Variants in COX7B2 observed in about 807,000 individuals in gnomAD.
COX7B2 encodes the protein cytochrome c oxidase subunit 7B2.
For synonymous variants in COX7B2, 37 were observed against 32.1 expected (o/e 1.15, Z -0.51); for missense variants, 109 against 95.9 (o/e 1.14, Z -0.57).
chr4:46,853,200 T>C (rs771289838), intron 1 of COX7B2, among the ~76,000 whole-genome samples: 1 of 152,174 alleles, frequency 6.6e-6, no homozygotes, highest in South Asian at 2.1e-4. Context: ...AGTGATTTTA[T>C]GGACCATCAC....
At chr4:46,892,378 TTTAC>T (rs2109873840) in intron 1 of COX7B2, among the ~76,000 whole-genome samples, 1 of 152,310 alleles carries the variant, frequency 6.6e-6, no homozygotes, top group South Asian at 2.1e-4. Context: ...GTCATGTATC[TTTAC>T]TTCTATTATC....
chr4:46,880,310 C>T (rs1718625727), intron 1 of COX7B2, among the ~76,000 whole-genome samples: 2 of 151,848 alleles, frequency 1.3e-5, no homozygotes, highest in Admixed American at 6.6e-5. Flanking sequence ...AGGAAGAGTC[C>T]CTCCTTCTCA....
At chr4:46,793,156 A>T (rs1366817029) in intron 2 of COX7B2, among the ~76,000 whole-genome samples, 2 of 152,192 alleles carry the variant, frequency 1.3e-5, no homozygotes, top group Non-Finnish European at 2.9e-5. Context: ...GGGGCTTATC[A>T]GAAGTTTGGA....
At chr4:46,835,528 C>G (rs909739287) in intron 2 of COX7B2, among the ~76,000 whole-genome samples, 9 of 151,988 alleles carry the variant, frequency 5.9e-5, no homozygotes, top group Non-Finnish European at 1.3e-4. Context: ...GGACAGTAAG[C>G]AGGCCTAGTC....
chr4:46,822,522 A>G (rs1032838459), intron 2 of COX7B2, among the ~76,000 whole-genome samples: 5 of 152,218 alleles, frequency 3.3e-5, no homozygotes, highest in African/African-American at 1.2e-4. Context: ...ACAGGAAGGA[A>G]TACAACACCA....
intron 2 of COX7B2, among the ~76,000 whole-genome samples, chr4:46,749,797 G>A (rs1029514824): frequency 7.9e-5 from 12 of 152,114 alleles, no homozygotes; most frequent in Non-Finnish European, 1.5e-4. Flanking sequence ...TGCTTTCATA[G>A]GGACAAAGTA....
At chr4:46,747,598 G>A (rs541580380) in intron 2 of COX7B2, among the ~76,000 whole-genome samples, 1 of 152,216 alleles carries the variant, frequency 6.6e-6, no homozygotes, top group South Asian at 2.1e-4. Flanking sequence ...CACTGTGGCT[G>A]GCCTTAGCTC....
intron 2 of COX7B2, among the ~76,000 whole-genome samples, chr4:46,779,763 A>G (rs1249724324): frequency 2.0e-5 from 3 of 151,824 alleles, no homozygotes; most frequent in African/African-American, 4.9e-5. Flanking sequence ...AAATAAAAAA[A>G]TTAAAAAAAA....
intron 2 of COX7B2, among the ~76,000 whole-genome samples, chr4:46,840,515 TACATGAAGTCA>T (rs1261288965): frequency 1.3e-5 from 2 of 151,932 alleles, no homozygotes; most frequent in African/African-American, 4.8e-5. Context: ...AGAAAGAGCA[TACATGAAGTCA>T]ACTAACAGCT....
intron 1 of COX7B2, among the ~76,000 whole-genome samples, chr4:46,852,240 A>C (rs1271525417): frequency 6.6e-6 from 1 of 152,100 alleles, no homozygotes; most frequent in East Asian, 1.9e-4. Flanking sequence ...AAAATCCAGT[A>C]CTATTATTAT....
At chr4:46,780,354 A>G (rs912681282) in intron 2 of COX7B2, among the ~76,000 whole-genome samples, 4 of 152,188 alleles carry the variant, frequency 2.6e-5, no homozygotes, top group African/African-American at 9.6e-5. Flanking sequence ...CGTCTCTACT[A>G]AAAATACAAA....
chr4:46,865,028 G>T (rs1056295071), intron 1 of COX7B2, among the ~76,000 whole-genome samples: 6 of 152,030 alleles, frequency 3.9e-5, no homozygotes, highest in Non-Finnish European at 5.9e-5. Flanking sequence ...AAATAGCAGT[G>T]AATTCTGAGA....
At chr4:46,876,380 C>A (rs771393651) in intron 1 of COX7B2, among the ~76,000 whole-genome samples, 8 of 149,110 alleles carry the variant, frequency 5.4e-5, no homozygotes, top group Non-Finnish European at 1.0e-4. Context: ...TTTTCAGTTT[C>A]AAACACAGAG....
chr4:46,780,833 C>G (rs987586577), intron 2 of COX7B2, among the ~76,000 whole-genome samples: 1 of 152,174 alleles, frequency 6.6e-6, no homozygotes, highest in Non-Finnish European at 1.5e-5. Context: ...TTGCTCCATA[C>G]TCATCATCTC....
intron 2 of COX7B2, among the ~76,000 whole-genome samples, chr4:46,788,592 CACT>C (rs1349604830): frequency 6.6e-6 from 1 of 152,122 alleles, no homozygotes; most frequent in African/African-American, 2.4e-5. Context: ...TCCTTGGTTT[CACT>C]ACAATTGATA....
chr4:46,800,019 T>G (rs2109619198), intron 2 of COX7B2, among the ~76,000 whole-genome samples: 1 of 152,232 alleles, frequency 6.6e-6, no homozygotes, highest in East Asian at 1.9e-4. Flanking sequence ...CTGATTAAAT[T>G]TCAGAACTCG....
At chr4:46,897,632 A>C (rs899570154) in intron 1 of COX7B2, among the ~76,000 whole-genome samples, 3 of 152,180 alleles carry the variant, frequency 2.0e-5, no homozygotes, top group Admixed American at 2.0e-4. Context: ...TCAACTCAGC[A>C]CTGCTGTCCT....
In COX7B2 at chr4:46,891,350, C is replaced by T. The variant is rs11936684; in HGVS notation, c.-105+17810G>A. Among the ~76,000 whole-genome samples the T allele has an allele frequency of 3.0e-3, 449 of 152,202 alleles. 1 individual carries two copies. The highest frequency in any genetic ancestry group is 9.7e-3 in the African/African-American group (402 of 41,524). The stretch of plus-strand genomic sequence containing the variant: ...TAAAACATAATGTAGGAAGTGAACA[C>T]ATTTAAACAAGAGAAAGGGTCCAGG... On this transcript the variant is annotated intron_variant, in intron 1 of 2. Transcript: ENST00000355591.
At chr4:46,894,649 A>T (rs1719642427) in intron 1 of COX7B2, among the ~76,000 whole-genome samples, 1 of 152,188 alleles carries the variant, frequency 6.6e-6, no homozygotes, top group Non-Finnish European at 1.5e-5. Flanking sequence ...GGATCTAACT[A>T]AACTTAAGAG....
Sources: gnomAD v4.1 joint callset for allele counts (sites outside exome capture counted in the v4.1 genomes callset) on GRCh38, gnomAD v4.1.1 for gene constraint, MANE v1.5 for transcripts, NCBI Gene and HGNC (gene_info 2026-07-23, HGNC 2026-07-21) for gene names.